Variants in PCM1 observed in about 807,000 individuals in gnomAD.
PCM1 encodes the protein pericentriolar material 1.
Under a neutral mutation model 241.9 loss-of-function variants are expected in PCM1, and 157 were observed. That is an observed-to-expected ratio of 0.65 (90% CI 0.57 to 0.74). The LOEUF is 0.74. Among genes scored for constraint, PCM1 ranks in the 30% least tolerant of loss-of-function variants. The probability of loss-of-function intolerance (pLI) is 0.00; values close to 1 mark genes in which losing one functional copy is unlikely to be tolerated. For missense variants in PCM1, 3,478 were observed against 2,360.1 expected (o/e 1.47, Z -9.81); for synonymous variants, 1,085 against 784.9 (o/e 1.38, Z -6.39).
rs201152704 is a variant in PCM1 at position 17,955,639 on chromosome 8, A to G, written c.1458A>G (p.Pro486=). 2.5e-6 allele frequency: 4 copies of G among 1,612,340 alleles called. No individual in the cohort carries two copies. The highest frequency in any genetic ancestry group is 4.5e-5 in the East Asian group (2 of 44,886). The change falls in exon 10 of 39, where the codon CCA becomes CCG. Residue 486 remains proline (P), a synonymous_variant. Transcript: ENST00000325083. ...GTGAAAACGAAGGCCACCTCAATCC[A>G]TCTGAAAAACTCCAGTAAAACATTT... ...NESENEGHLN[P]SEKLQKLNEV...
At position 18,028,691 on chromosome 8, in the gene PCM1, T is replaced by G. The variant is rs2094376530; in HGVS notation, c.*1029T>G. 1 of 203,158 alleles carries G rather than the reference T, an allele frequency of 4.9e-6. No individual in the cohort carries two copies. Among genetic ancestry groups the G allele is most frequent in the East Asian group, 7.5e-5 (1 of 13,266 alleles). 12.6% of individuals were successfully genotyped at this position (203,158 alleles called of 1,614,324 possible). On this transcript the variant is annotated 3_prime_UTR_variant, in exon 39 of 39. Transcript: ENST00000325083. The stretch of plus-strand genomic sequence containing the variant: ...TTTGCTTTTTATCCCAAACTGTCCA[T>G]ATACCCAGTAAGGCTTCAAAAAACC...
intron 36 of PCM1, among the ~76,000 whole-genome samples, chr8:18,021,647 C>G (rs1318896016): frequency 6.6e-6 from 1 of 152,192 alleles, no homozygotes; most frequent in Non-Finnish European, 1.5e-5. Context: ...GTGGCACTAC[C>G]ATTGGCCTTG....
chr8:17,960,377 A>T lies in PCM1; in HGVS notation c.2255A>T (p.Glu752Val), dbSNP rs1213422317. 6.2e-7 allele frequency: 1 copy of T among 1,608,506 alleles called. No homozygotes were observed. Among genetic ancestry groups the T allele is most frequent in the Non-Finnish European group, 8.5e-7 (1 of 1,178,092 alleles). The change falls in exon 15 of 39, where the codon GAA (glutamate) becomes GTA (valine). Residue 752 changes from glutamate to valine, a missense_variant. Glu to Val is a moderately radical substitution (Grantham distance 121). Transcript: ENST00000325083. ...AGAGAGCTAAAACAATTGCAGGAAGAAAGAAAGAAACTGATTGACATTCAG... is the reference window on the plus strand; with the variant it reads ...AGAGAGCTAAAACAATTGCAGGAAGTAAGAAAGAAACTGATTGACATTCAG... ...QQRELKQLQEERKKLIDIQEK... is the reference protein window; with the variant it reads ...QQRELKQLQEVRKKLIDIQEK...
chr8:18,011,898 T>G, intron 34 of PCM1, 71 bp downstream of exon 34: 1 of 1,343,622 alleles, frequency 7.4e-7, no homozygotes, highest in South Asian at 1.3e-5. Context: ...CAGCCTTATT[T>G]TAACTAATCA....
At chr8:18,007,986 A>C (rs2091782504) in intron 30 of PCM1, among the ~76,000 whole-genome samples, 1 of 152,178 alleles carries the variant, frequency 6.6e-6, no homozygotes, top group Non-Finnish European at 1.5e-5. Flanking sequence ...TCTCAACCTA[A>C]AATAATCAAA....
intron 8 of PCM1, 130 bp downstream of exon 8, chr8:17,950,854 GTCCC>G: frequency 1.6e-6 from 1 of 640,546 alleles, no homozygotes; most frequent in Non-Finnish European, 2.7e-6. Context: ...GATTGGTGGG[GTCCC>G]CCCCACCTTC....
intron 27 of PCM1, among the ~76,000 whole-genome samples, chr8:17,990,271 T>TA: frequency 1.3e-5 from 2 of 152,202 alleles, no homozygotes; most frequent in East Asian, 3.9e-4. Context: ...CAGAAAATGT[T>TA]AATTTCCTTT....
chr8:17,944,667 A>G (rs1051953920), intron 6 of PCM1, among the ~76,000 whole-genome samples: 2 of 152,124 alleles, frequency 1.3e-5, no homozygotes, highest in African/African-American at 4.8e-5. Context: ...TCCAGGTGCC[A>G]TCTTCCTGGT....
intron 7 of PCM1, among the ~76,000 whole-genome samples, chr8:17,948,347 C>T (rs1167624357): frequency 7.7e-6 from 1 of 130,594 alleles, no homozygotes; most frequent in African/African-American, 3.0e-5. Flanking sequence ...CTCTGTTGCC[C>T]AGGCTGGAGT....
chr8:17,973,717 GA>G (rs756070246), intron 23 of PCM1, among the ~76,000 whole-genome samples: 5,291 of 112,546 alleles, frequency 0.047, 137 homozygotes, highest in African/African-American at 0.088. Context: ...GTCTCTGTCA[GA>G]AAAAAAAAAA....
intron 6 of PCM1, 105 bp downstream of exon 6, chr8:17,939,966 A>G (rs1404135079): frequency 2.5e-6 from 3 of 1,207,598 alleles, no homozygotes; most frequent in Non-Finnish European, 3.5e-6. Flanking sequence ...ATATTTTCAA[A>G]AAATCATGCC....
intron 36 of PCM1, among the ~76,000 whole-genome samples, chr8:18,020,495 A>G (rs2093665087): frequency 6.6e-6 from 1 of 152,016 alleles, no homozygotes; most frequent in Admixed American, 6.6e-5. Context: ...TAACCCTACC[A>G]CTTTGCTGCC....
rs1022459279 is a variant in PCM1 at position 17,954,888 on chromosome 8, T to G, written c.1289-582T>G. ...CAGGTTTTTATTGCTGTTTAATATT[T>G]CATGGTTTGAGGTACCACAGTCACT... On this transcript the variant is annotated intron_variant, in intron 9 of 38. Transcript: ENST00000325083. Among the ~76,000 whole-genome samples, 60 of 152,196 alleles carry G rather than the reference T, an allele frequency of 3.9e-4. 3 individuals are homozygous for G. The highest frequency in any genetic ancestry group is 2.9e-5 in the Non-Finnish European group (2 of 68,034).
At position 17,991,620 on chromosome 8, in the gene PCM1, A is replaced by T. The variant is rs112000586; in HGVS notation, c.4610A>T (p.Asn1537Ile). 35 of 1,584,166 alleles carry T rather than the reference A, an allele frequency of 2.2e-5. No homozygotes were observed. In the African/African-American group the frequency reaches 2.6e-4, roughly 12 times the overall value. The stretch of plus-strand genomic sequence containing the variant: ...CGTATGAAGACTGAGGCTGAAAGTA[A>T]CTCAAATATGAGATGCACCTGCAGG... Reference protein sequence around the residue: ...YERMKTEAESNSNMRCTCRII... With the variant: ...YERMKTEAESISNMRCTCRII... The change falls in exon 28 of 39, where the codon AAC (asparagine) becomes ATC (isoleucine). Residue 1537 changes from asparagine to isoleucine, a missense_variant. Transcript: ENST00000325083.
intron 24 of PCM1, 62 bp downstream of exon 24, chr8:17,980,817 T>TA: frequency 7.6e-7 from 1 of 1,308,072 alleles, no homozygotes; most frequent in South Asian, 1.4e-5. Context: ...TGAAAAGCTA[T>TA]AATAAAGCAG....
Position 18,014,583 on chromosome 8 carries a change from G to GATGACCA in PCM1, c.5586_5592dup (p.Asn1865Ter), listed in dbSNP as rs1564395467. ...ATGTTAAGACTTTCTTTTGATGACA[G>GATGACCA]ATGACCAAAATAACTGTCCTGTGAA... On this transcript the variant is annotated frameshift_variant and splice_region_variant. Transcript: ENST00000325083. LOFTEE classifies it high-confidence loss of function. 6.3e-7 allele frequency: 1 copy of GATGACCA among 1,595,598 alleles called. No homozygotes were observed. Among genetic ancestry groups the GATGACCA allele is most frequent in the African/African-American group, 1.3e-5 (1 of 74,484 alleles).
chr8:18,027,718 A>G lies in PCM1; in HGVS notation c.*56A>G. ...CTTACATACTCAATGCATATATGAA[A>G]ACAATACTAAATAAACATCTGATCT... On this transcript the variant is annotated 3_prime_UTR_variant, in exon 39 of 39. Coordinates refer to ENST00000325083, the MANE Select transcript of PCM1 (RefSeq NM_006197.4). 1 of 1,239,520 alleles carries G rather than the reference A, an allele frequency of 8.1e-7. No individual in the cohort carries two copies. The highest frequency in any genetic ancestry group is 1.2e-6 in the Non-Finnish European group (1 of 861,646). 76.8% of individuals were successfully genotyped at this position (1,239,520 alleles called of 1,614,324 possible). A position where few individuals can be genotyped will look rare whatever the true frequency, so the allele number is the denominator to read the frequency against.
rs183394855 is a variant in PCM1, at chr8:17,942,529, T to C, written c.783+2668T>C. Among the ~76,000 whole-genome samples, 40 of 152,302 alleles carry C rather than the reference T, an allele frequency of 2.6e-4. No homozygotes were observed. In the East Asian group the frequency reaches 5.8e-3, roughly 22 times the overall value. ...TCAGATTTTTTGGTTTATATTTTTATTTTTGGAAACCCCTTTCATTTGCTT... is the reference window on the plus strand; with the variant it reads ...TCAGATTTTTTGGTTTATATTTTTACTTTTGGAAACCCCTTTCATTTGCTT... On this transcript the variant is annotated intron_variant, in intron 6 of 38. Coordinates refer to ENST00000325083, the MANE Select transcript of PCM1 (RefSeq NM_006197.4).
intron 7 of PCM1, among the ~76,000 whole-genome samples, chr8:17,950,220 G>C (rs528905961): frequency 7.2e-5 from 11 of 152,262 alleles, no homozygotes; most frequent in African/African-American, 2.6e-4. Flanking sequence ...CCCTCTACCG[G>C]AGAATTGATT....
Sources: allele counts gnomAD v4.1 joint callset (sites outside exome capture counted in the v4.1 genomes callset), GRCh38; gene constraint gnomAD v4.1.1; transcripts MANE v1.5; gene names NCBI Gene and HGNC (gene_info 2026-07-23, HGNC 2026-07-21).